Variants in TAMM41 observed in about 807,000 individuals in gnomAD.
The protein encoded by TAMM41 is phosphatidate cytidylyltransferase, mitochondrial.
TAMM41 carries 36 observed loss-of-function variants against 44.1 expected under a neutral mutation model. That is an observed-to-expected ratio of 0.82 (90% CI 0.63 to 1.08). TAMM41 has a LOEUF of 1.08. Ranked by LOEUF, TAMM41 falls within the 50% of genes least tolerant of loss-of-function variation. The pLI, the probability that TAMM41 is intolerant of heterozygous loss-of-function variation, is 0.00. For synonymous variants in TAMM41, 164 were observed against 153.1 expected, an observed-to-expected ratio of 1.07 and a Z score of -0.53; for missense variants, 417 against 404.3, an observed-to-expected ratio of 1.03 and a Z score of -0.27.
At chr3:11,838,009 C>G (rs1438648083) in intron 3 of TAMM41, among the ~76,000 whole-genome samples, 1 of 152,186 alleles carries the variant, frequency 6.6e-6, no homozygotes, top group Non-Finnish European at 1.5e-5. Flanking sequence ...CAACTGAATT[C>G]GATTCTGACC....
intron 4 of TAMM41, among the ~76,000 whole-genome samples, chr3:11,822,081 A>T (rs2078547862): frequency 6.6e-6 from 1 of 152,228 alleles, no homozygotes; most frequent in Non-Finnish European, 1.5e-5. Context: ...ATGTGCAAAC[A>T]TACCAAAATC....
At chr3:11,822,764 A>C (rs1000206580) in intron 4 of TAMM41, among the ~76,000 whole-genome samples, 3 of 152,232 alleles carry the variant, frequency 2.0e-5, no homozygotes, top group African/African-American at 4.8e-5. Flanking sequence ...CAGATGCACC[A>C]ATTTTATTTA....
At chr3:11,835,922 A>G (rs554823788) in intron 3 of TAMM41, among the ~76,000 whole-genome samples, 1 of 152,108 alleles carries the variant, frequency 6.6e-6, no homozygotes, top group Middle Eastern at 3.4e-3. Flanking sequence ...TTCTAACCCT[A>G]CATCTGTTAG....
At chr3:11,838,293 C>T (rs1288736222) in intron 3 of TAMM41, among the ~76,000 whole-genome samples, 2 of 152,170 alleles carry the variant, frequency 1.3e-5, no homozygotes, top group East Asian at 3.8e-4. Flanking sequence ...CGGCTCATTG[C>T]AATTTCCATC....
chr3:11,841,273 G>A (rs1307773705), intron 2 of TAMM41, among the ~76,000 whole-genome samples: 1 of 151,944 alleles, frequency 6.6e-6, no homozygotes, highest in African/African-American at 2.4e-5. Context: ...TGTAGAGACA[G>A]GGTTTCACCA....
the TAMM41 span, among the ~76,000 whole-genome samples, chr3:11,729,538 C>CTTTT: frequency 2.0e-3 from 134 of 65,510 alleles, 23 homozygotes; most frequent in African/African-American, 6.3e-3. Flanking sequence ...TTCTTTCTTT[C>CTTTT]ATTTTTTTTT....
At chr3:11,734,952 G>A in the TAMM41 span, among the ~76,000 whole-genome samples, 1 of 151,678 alleles carries the variant, frequency 6.6e-6, no homozygotes, top group African/African-American at 2.4e-5. Context: ...GGGGGGCTGA[G>A]GCAGGAGAAT....
chr3:11,810,681 G>T (rs2078059792), intron 5 of TAMM41: 1 of 152,256 alleles, frequency 6.6e-6, no homozygotes, highest in African/African-American at 2.4e-5. Flanking sequence ...TACATTTTAG[G>T]CTTAGAGTTT....
the TAMM41 span, among the ~76,000 whole-genome samples, chr3:11,745,171 A>AT: frequency 6.6e-6 from 1 of 152,044 alleles, no homozygotes; most frequent in African/African-American, 2.4e-5. Context: ...CCTACAAATA[A>AT]TTTTTTAAAA....
At chr3:11,841,819 G>C (rs1397937705) in intron 2 of TAMM41, among the ~76,000 whole-genome samples, 2 of 152,234 alleles carry the variant, frequency 1.3e-5, no homozygotes, top group South Asian at 2.1e-4. Context: ...CACGGGCCTG[G>C]AAGTCAGGGG....
At chr3:11,740,690 C>T in the TAMM41 span, among the ~76,000 whole-genome samples, 903 of 152,022 alleles carry the variant, frequency 5.9e-3, 9 homozygotes, top group African/African-American at 0.021. Flanking sequence ...TCAAGCCTCC[C>T]GAGTAGCTGG....
intron 7 of TAMM41, among the ~76,000 whole-genome samples, chr3:11,806,390 A>G (rs1032402208): frequency 2.0e-5 from 3 of 152,210 alleles, no homozygotes; most frequent in Admixed American, 2.0e-4. Context: ...TTTGTCCTCC[A>G]AAGAGATGTC....
chr3:11,824,849 C>T (rs559945651), intron 4 of TAMM41, among the ~76,000 whole-genome samples: 5 of 152,176 alleles, frequency 3.3e-5, no homozygotes, highest in East Asian at 1.9e-4. Flanking sequence ...ACAGTGTAGC[C>T]GACTGTGGAA....
At chr3:11,831,814 G>A (rs563964430) in intron 3 of TAMM41, among the ~76,000 whole-genome samples, 3 of 152,178 alleles carry the variant, frequency 2.0e-5, no homozygotes, top group Non-Finnish European at 4.4e-5. Flanking sequence ...TTTTTTCTAA[G>A]GGAGTATTTG....
the TAMM41 span, among the ~76,000 whole-genome samples, chr3:11,726,674 G>A: frequency 1.3e-5 from 2 of 151,946 alleles, no homozygotes; most frequent in African/African-American, 4.8e-5. Context: ...ATTGTGGAAT[G>A]TGCCTGTAAT....
chr3:11,818,237 G>A (rs985956266), intron 4 of TAMM41, among the ~76,000 whole-genome samples: 2 of 152,170 alleles, frequency 1.3e-5, no homozygotes, highest in African/African-American at 4.8e-5. Context: ...CCCAGCTGCT[G>A]AGGAATCCCC....
intron 3 of TAMM41, among the ~76,000 whole-genome samples, chr3:11,837,896 G>A (rs2079253504): frequency 1.3e-5 from 2 of 152,218 alleles, no homozygotes; most frequent in Admixed American, 6.5e-5. Context: ...GCAGGAGGGA[G>A]AGTGGACTGT....
chr3:11,741,423 A>AGT, the TAMM41 span, among the ~76,000 whole-genome samples: 1 of 149,096 alleles, frequency 6.7e-6, no homozygotes, highest in Non-Finnish European at 1.5e-5. Flanking sequence ...CACCTCCTAA[A>AGT]GTCCCCACCT....
chr3:11,722,752 C>T, the TAMM41 span, among the ~76,000 whole-genome samples: 4 of 151,994 alleles, frequency 2.6e-5, no homozygotes, highest in Admixed American at 6.6e-5. Context: ...GGGCGAATCA[C>T]GAGGTCAGGA....
Sources: allele counts gnomAD v4.1 joint callset (sites outside exome capture counted in the v4.1 genomes callset), GRCh38; gene constraint gnomAD v4.1.1; transcripts MANE v1.5; gene names NCBI Gene and HGNC (gene_info 2026-07-23, HGNC 2026-07-21).